C12orf42: variants seen among roughly 807,000 people sequenced by gnomAD.
C12orf42 encodes the protein uncharacterized protein C12orf42.
A neutral mutation model predicts 21.6 loss-of-function variants in C12orf42; 25 were observed. The observed-to-expected ratio is 1.16, with a 90% CI of 0.84 to 1.62. C12orf42 has a LOEUF of 1.62. C12orf42 is among the 40% of genes most tolerant of loss of function. The probability of loss-of-function intolerance (pLI) is 0.00; values close to 1 mark genes in which losing one functional copy is unlikely to be tolerated. For missense variants in C12orf42, 483 were observed against 459.3 expected, an observed-to-expected ratio of 1.05 and a Z score of -0.47; for synonymous variants, 174 against 175.0, an observed-to-expected ratio of 0.99 and a Z score of 0.05.
chr12:103,165,022 A>C, the C12orf42 span, among the ~76,000 whole-genome samples: 1 of 152,240 alleles, frequency 6.6e-6, no homozygotes, highest in Admixed American at 6.5e-5. Flanking sequence ...TTGGATCCTG[A>C]GTGGCTAACT....
the C12orf42 span, among the ~76,000 whole-genome samples, chr12:103,553,780 C>A: frequency 6.6e-6 from 1 of 152,208 alleles, no homozygotes; most frequent in African/African-American, 2.4e-5. Context: ...GAAGTTTGGA[C>A]AATGCTGATC....
the C12orf42 span, among the ~76,000 whole-genome samples, chr12:103,191,799 A>T: frequency 6.6e-6 from 1 of 151,810 alleles, no homozygotes; most frequent in Non-Finnish European, 1.5e-5. Context: ...AACCATAAAA[A>T]TTGGTTAATA....
chr12:103,169,198 A>AAAT, the C12orf42 span, among the ~76,000 whole-genome samples: 2 of 138,210 alleles, frequency 1.4e-5, no homozygotes, highest in African/African-American at 5.5e-5. Flanking sequence ...ATAAATAAAT[A>AAAT]AAATAAAGAT....
At chr12:103,483,481 T>C (rs966391210) in intron 1 of C12orf42, among the ~76,000 whole-genome samples, 5 of 152,032 alleles carry the variant, frequency 3.3e-5, no homozygotes, top group Admixed American at 2.0e-4. Context: ...CAGTTGAAAT[T>C]TTTTTTCAGA....
intron 2 of C12orf42, among the ~76,000 whole-genome samples, chr12:103,447,330 A>T (rs1244218610): frequency 6.6e-6 from 1 of 151,984 alleles, no homozygotes; most frequent in Non-Finnish European, 1.5e-5. Context: ...ACCCACAGCC[A>T]ACATTATACT....
intron 4 of C12orf42, chr12:103,277,336 CA>C (rs879334583): frequency 1.6e-5 from 4 of 253,288 alleles, no homozygotes; most frequent in Admixed American, 5.1e-5. Flanking sequence ...CTATATTTTC[CA>C]AAAAAATTAA....
At chr12:103,128,128 A>C in the C12orf42 span, among the ~76,000 whole-genome samples, 3 of 152,166 alleles carry the variant, frequency 2.0e-5, no homozygotes, top group African/African-American at 7.2e-5. Flanking sequence ...TCTCCAGTTA[A>C]ATTCAGGAAC....
At chr12:103,108,498 T>C in the C12orf42 span, among the ~76,000 whole-genome samples, 1 of 152,104 alleles carries the variant, frequency 6.6e-6, no homozygotes, top group Non-Finnish European at 1.5e-5. Flanking sequence ...TATTGGTTAA[T>C]GTAGTTTATC....
At chr12:103,383,071 G>C (rs1397511634) in intron 3 of C12orf42, among the ~76,000 whole-genome samples, 1 of 151,712 alleles carries the variant, frequency 6.6e-6, no homozygotes, top group Non-Finnish European at 1.5e-5. Flanking sequence ...CCTGTGCCAT[G>C]TTTCTTATAT....
the C12orf42 span, among the ~76,000 whole-genome samples, chr12:103,521,571 T>A: frequency 1.3e-5 from 2 of 152,238 alleles, no homozygotes; most frequent in South Asian, 4.1e-4. Flanking sequence ...AAATAGCTAA[T>A]GCATGTGGGG....
Position 103,446,526 on chromosome 12 carries a change from T to C in C12orf42, c.78+31823A>G, listed in dbSNP as rs183522702. Among the ~76,000 whole-genome samples the C allele has an allele frequency of 4.3e-3, 659 of 152,130 alleles. 1 individual carries two copies. The highest frequency in any genetic ancestry group is 7.9e-3 in the Non-Finnish European group (538 of 67,958). Reference sequence around the variant, plus strand: ...CTCACATCTCAATACTTACATTGAATGTAAATAGCCTAAATGCTCCACTTA... The same window carrying C: ...CTCACATCTCAATACTTACATTGAACGTAAATAGCCTAAATGCTCCACTTA... On this transcript the variant is annotated intron_variant, in intron 2 of 5. Transcript: ENST00000548883.
the C12orf42 span, among the ~76,000 whole-genome samples, chr12:103,142,984 T>C: frequency 6.6e-6 from 1 of 152,136 alleles, no homozygotes; most frequent in African/African-American, 2.4e-5. Flanking sequence ...GCTCAAAACA[T>C]GATCACACAA....
chr12:103,149,121 A>G, the C12orf42 span, among the ~76,000 whole-genome samples: 3 of 152,148 alleles, frequency 2.0e-5, no homozygotes, highest in Non-Finnish European at 2.9e-5. Flanking sequence ...TTGGGGTCCA[A>G]TGGAAGCAAA....
At chr12:103,169,148 T>A in the C12orf42 span, among the ~76,000 whole-genome samples, 1 of 146,686 alleles carries the variant, frequency 6.8e-6, no homozygotes, top group African/African-American at 2.5e-5. Context: ...ATTCCAGAAC[T>A]TAAAGTATAA....
chr12:103,111,129 C>A, the C12orf42 span, among the ~76,000 whole-genome samples: 1 of 152,018 alleles, frequency 6.6e-6, no homozygotes, highest in East Asian at 1.9e-4. Context: ...TATTACTTAG[C>A]TTTTATTTGT....
chr12:103,442,943 C>T (rs1951346698), intron 2 of C12orf42, among the ~76,000 whole-genome samples: 1 of 151,904 alleles, frequency 6.6e-6, no homozygotes, highest in Non-Finnish European at 1.5e-5. Flanking sequence ...TAGGTTTTGC[C>T]CTACATTCTG....
intron 4 of C12orf42, among the ~76,000 whole-genome samples, chr12:103,312,948 A>G (rs2039108441): frequency 6.6e-6 from 1 of 152,198 alleles, no homozygotes. Context: ...CTGTACTTTC[A>G]GCCCCTCTGA....
At position 103,494,470 on chromosome 12, in the gene C12orf42, T is replaced by G. The variant is rs1365176375; in HGVS notation, c.-22+1432A>C. Among the ~76,000 whole-genome samples, 2 of 152,224 alleles carry G rather than the reference T, an allele frequency of 1.3e-5. 1 individual carries two copies. The highest frequency in any genetic ancestry group is 4.8e-5 in the African/African-American group (2 of 41,454). Reference sequence around the variant, plus strand: ...CTCTTTCTCTCTCCATTCCTTTTTTTAAGCCTTTATTGGCATTTTTTTATC... The same window carrying G: ...CTCTTTCTCTCTCCATTCCTTTTTTGAAGCCTTTATTGGCATTTTTTTATC... On this transcript the variant is annotated intron_variant, in intron 1 of 5. Transcript: ENST00000548883.
intron 2 of C12orf42, among the ~76,000 whole-genome samples, chr12:103,458,453 G>A (rs914256890): frequency 2.6e-5 from 4 of 152,112 alleles, no homozygotes; most frequent in South Asian, 2.1e-4. Context: ...GCAGCTCTGC[G>A]CTTACCCAGG....
Sources: allele counts gnomAD v4.1 joint callset (sites outside exome capture counted in the v4.1 genomes callset), GRCh38; gene constraint gnomAD v4.1.1; transcripts MANE v1.5; gene names NCBI Gene and HGNC (gene_info 2026-07-23, HGNC 2026-07-21).